The following DOK6 variants were observed in gnomAD, a reference collection of about 807,000 sequenced individuals.
The protein encoded by DOK6 is docking protein 6.
Under a neutral mutation model 44.0 loss-of-function variants are expected in DOK6, and 22 were observed. That is an observed-to-expected ratio of 0.50 (90% confidence interval 0.36 to 0.71). The LOEUF is 0.71. Among genes scored for constraint, DOK6 ranks in the 30% least tolerant of loss-of-function variants. DOK6 has a pLI of 0.00. For synonymous variants in DOK6, 166 were observed against 145.5 expected (o/e 1.14, Z -1.01); for missense variants, 340 against 416.4 (o/e 0.82, Z 1.60).
At chr18:69,567,602 AG>A (rs1370037086) in intron 2 of DOK6, among the ~76,000 whole-genome samples, 1 of 152,226 alleles carries the variant, frequency 6.6e-6, no homozygotes, top group Non-Finnish European at 1.5e-5. Context: ...AGTCAATGAC[AG>A]GGTTTTAAGC....
chr18:69,478,008 T>G, intron 1 of DOK6, among the ~76,000 whole-genome samples: 1 of 152,208 alleles, frequency 6.6e-6, no homozygotes, highest in East Asian at 1.9e-4. Context: ...TAAGGAAAAC[T>G]TATATTGTCT....
intron 7 of DOK6, among the ~76,000 whole-genome samples, chr18:69,835,697 C>A (rs957946128): frequency 2.0e-5 from 3 of 152,122 alleles, no homozygotes; most frequent in African/African-American, 7.2e-5. Flanking sequence ...CTATCTAGGC[C>A]CAACTGTTAA....
At position 69,607,199 on chromosome 18, in the gene DOK6, C is replaced by A. The variant is rs963459910; in HGVS notation, c.289+7701C>A. Among the ~76,000 whole-genome samples, 18 of 152,320 alleles carry A rather than the reference C, an allele frequency of 1.2e-4. No homozygotes were observed. In the East Asian group the frequency reaches 3.3e-3, roughly 28 times the overall value. On this transcript the variant is annotated intron_variant, in intron 3 of 7. Coordinates refer to ENST00000382713, the MANE Select transcript of DOK6 (RefSeq NM_152721.6). ...GCAACAAGCAGCAAACAAGCCAACCCCCTTACCCCCAGGGGGAGTGAGCAG... is the reference window on the plus strand; with the variant it reads ...GCAACAAGCAGCAAACAAGCCAACCACCTTACCCCCAGGGGGAGTGAGCAG...
chr18:69,681,025 A>G (rs77267692), intron 4 of DOK6, among the ~76,000 whole-genome samples: 39 of 152,364 alleles, frequency 2.6e-4, no homozygotes, highest in African/African-American at 8.9e-4. Context: ...TAATATATAT[A>G]GATTGAATAA....
intron 1 of DOK6, among the ~76,000 whole-genome samples, chr18:69,427,595 C>A (rs564033190): frequency 6.6e-6 from 1 of 152,238 alleles, no homozygotes; most frequent in Non-Finnish European, 1.5e-5. Flanking sequence ...CCCAGCAATC[C>A]CATTACTGGG....
At chr18:69,627,655 T>A (rs992607153) in intron 3 of DOK6, among the ~76,000 whole-genome samples, 2 of 152,064 alleles carry the variant, frequency 1.3e-5, no homozygotes, top group African/African-American at 2.4e-5. Flanking sequence ...TTCACCGTGT[T>A]AGCCAGGATG....
chr18:69,554,953 A>G (rs1982651561), intron 1 of DOK6, among the ~76,000 whole-genome samples: 1 of 152,184 alleles, frequency 6.6e-6, no homozygotes, highest in African/African-American at 2.4e-5. Flanking sequence ...CTGCTCAAGT[A>G]TCTTGCCCTC....
chr18:69,760,220 C>A (rs1212965949), intron 7 of DOK6, among the ~76,000 whole-genome samples: 1 of 151,922 alleles, frequency 6.6e-6, no homozygotes, highest in Non-Finnish European at 1.5e-5. Context: ...GGTGCTAGTC[C>A]CTAATGGAAT....
At chr18:69,415,889 T>C (rs1978330538) in intron 1 of DOK6, among the ~76,000 whole-genome samples, 1 of 152,070 alleles carries the variant, frequency 6.6e-6, no homozygotes, top group African/African-American at 2.4e-5. Context: ...TTTTAAGGGA[T>C]TTTAGGTTGG....
chr18:69,573,576 C>T (rs1983168187), intron 2 of DOK6, among the ~76,000 whole-genome samples: 1 of 151,724 alleles, frequency 6.6e-6, no homozygotes, highest in Admixed American at 6.6e-5. Flanking sequence ...CAGCAAAGTT[C>T]AACCAATCCT....
chr18:69,527,083 A>G (rs1459382351), intron 1 of DOK6, among the ~76,000 whole-genome samples: 1 of 152,178 alleles, frequency 6.6e-6, no homozygotes, highest in Non-Finnish European at 1.5e-5. Context: ...TAGCATTGTT[A>G]ATGTACTCTT....
intron 6 of DOK6, among the ~76,000 whole-genome samples, chr18:69,742,718 C>G (rs981371900): frequency 1.3e-5 from 2 of 152,052 alleles, no homozygotes; most frequent in Admixed American, 6.6e-5. Flanking sequence ...CTCAAGTAGC[C>G]CAGAATTGTG....
intron 1 of DOK6, among the ~76,000 whole-genome samples, chr18:69,431,298 G>T (rs1489184707): frequency 6.6e-6 from 1 of 152,180 alleles, no homozygotes; most frequent in East Asian, 1.9e-4. Flanking sequence ...ACAGAGTTGA[G>T]ATAATTACAG....
intron 7 of DOK6, among the ~76,000 whole-genome samples, chr18:69,772,030 G>A (rs1465676564): frequency 6.7e-6 from 1 of 149,962 alleles, no homozygotes; most frequent in Admixed American, 6.7e-5. Context: ...AAAAAAAATG[G>A]CTTTTAGGTG....
At chr18:69,522,526 T>G (rs1193993769) in intron 1 of DOK6, among the ~76,000 whole-genome samples, 5 of 152,038 alleles carry the variant, frequency 3.3e-5, no homozygotes, top group African/African-American at 1.2e-4. Flanking sequence ...GATAATATCT[T>G]GATTGTCTAA....
At chr18:69,747,308 G>A (rs1324583531) in intron 6 of DOK6, among the ~76,000 whole-genome samples, 1 of 152,094 alleles carries the variant, frequency 6.6e-6, no homozygotes, top group Non-Finnish European at 1.5e-5. Context: ...TCAGTTAACA[G>A]TTTTTTTATA....
chr18:69,830,419 T>C (rs368826140), intron 7 of DOK6, among the ~76,000 whole-genome samples: 3 of 152,052 alleles, frequency 2.0e-5, no homozygotes, highest in East Asian at 3.9e-4. Context: ...GGTGTTCTTA[T>C]AAGAAAAGGA....
chr18:69,810,381 A>G (rs960351458), intron 7 of DOK6, among the ~76,000 whole-genome samples: 3 of 152,002 alleles, frequency 2.0e-5, no homozygotes, highest in African/African-American at 7.2e-5. Flanking sequence ...ATAGAGGAGG[A>G]GCTCCATGAT....
At chr18:69,633,191 AAGTATATTCT>A (rs1461165275) in intron 3 of DOK6, among the ~76,000 whole-genome samples, 1 of 152,226 alleles carries the variant, frequency 6.6e-6, no homozygotes, top group African/African-American at 2.4e-5. Context: ...AATAATTATT[AAGTATATTCT>A]ACTTGTCAGT....
Sources: allele counts gnomAD v4.1 joint callset (sites outside exome capture counted in the v4.1 genomes callset), GRCh38; gene constraint gnomAD v4.1.1; transcripts MANE v1.5; gene names NCBI Gene and HGNC (gene_info 2026-07-23, HGNC 2026-07-21).